MPP7: variants seen among roughly 807,000 people sequenced by gnomAD.
The protein encoded by MPP7 is MAGUK p55 subfamily member 7.
MPP7 carries 60 observed loss-of-function variants against 76.5 expected under a neutral mutation model. The observed-to-expected ratio is 0.78, with a 90% CI of 0.64 to 0.97. The LOEUF (loss-of-function observed/expected upper bound fraction) is 0.97, where lower values mean the gene tolerates loss of function less well. MPP7 is among the 50% of genes least tolerant of loss of function. MPP7 has a pLI of 0.00. For synonymous variants in MPP7, 237 were observed against 244.5 expected, an observed-to-expected ratio of 0.97 and a Z score of 0.29; for missense variants, 641 against 694.0, an observed-to-expected ratio of 0.92 and a Z score of 0.86.
chr10:28,236,750 C>G (rs1347201366), intron 2 of MPP7: 3 of 152,074 alleles, frequency 2.0e-5, no homozygotes, highest in Non-Finnish European at 4.4e-5. Flanking sequence ...GTGCCTTGCT[C>G]CTGTGGCACA....
chr10:28,118,595 T>G, intron 11 of MPP7: 1 of 985,436 alleles, frequency 1.0e-6, no homozygotes, highest in Non-Finnish European at 1.2e-6. Flanking sequence ...CAGTGCAATA[T>G]TCTCACGAAA....
Position 28,124,062 on chromosome 10 carries a change from T to A in MPP7, c.584A>T (p.Asp195Val). 1 of 1,612,214 alleles carries A rather than the reference T, an allele frequency of 6.2e-7. No homozygotes were observed. Among genetic ancestry groups the A allele is most frequent in the South Asian group, 1.1e-5 (1 of 91,038 alleles). Residue 195 changes from aspartate (D) to valine (V), a missense_variant, in exon 8 of 17, where the codon GAT becomes GTT. Asp to Val is a radical substitution (Grantham distance 152, BLOSUM62 -3). Coordinates refer to ENST00000683449, the MANE Select transcript of MPP7 (RefSeq NM_001318170.2). ...LREVNGIPVE[D>V]KRPEEIIQIL... ...CTGTATTATTTCCTCAGGCCTTTTA[T>A]CCTCCACTGGTATCCCGTTGACTTC... is the stretch of plus-strand genomic sequence containing the variant.
intron 3 of MPP7, 62 bp from the exon 4 acceptor site, chr10:28,150,121 AT>A: frequency 8.8e-7 from 1 of 1,137,978 alleles, no homozygotes; most frequent in East Asian, 2.4e-5. Flanking sequence ...ATAGCTGCAC[AT>A]TTTTATACTT....
At chr10:28,257,685 T>C (rs1271882903) in intron 1 of MPP7, among the ~76,000 whole-genome samples, 2 of 150,238 alleles carry the variant, frequency 1.3e-5, no homozygotes, top group Admixed American at 1.3e-4. Context: ...GCATGGCACA[T>C]GTATACACAT....
intron 5 of MPP7, among the ~76,000 whole-genome samples, chr10:28,134,222 ATAGCGGTATCTCC>A (rs1835285689): frequency 1.3e-5 from 2 of 152,154 alleles, no homozygotes; most frequent in Non-Finnish European, 2.9e-5. Flanking sequence ...TTCCAAGTGT[ATAGCGGTATCTCC>A]TGTGGTTGAA....
chr10:28,323,142 C>T (rs924639967), intron 2 of MPP7, among the ~76,000 whole-genome samples: 32 of 151,948 alleles, frequency 2.1e-4, no homozygotes, highest in African/African-American at 7.7e-4. Context: ...AACAATTAGC[C>T]GGGCGTGGTG....
Position 28,180,418 on chromosome 10 carries a change from A to C in MPP7, c.156+21735T>G, listed in dbSNP as rs7911943. On this transcript the variant is annotated intron_variant, in intron 3 of 16. Transcript: ENST00000683449. ...GTCTATCAAAGAAGAAAATGTAAAA[A>C]TTACCAAGTTTTGACAAGAAAATGA... Among the ~76,000 whole-genome samples, 635 of 152,300 alleles carry C rather than the reference A, an allele frequency of 4.2e-3. 4 individuals are homozygous for C. The highest frequency in any genetic ancestry group is 0.014 in the African/African-American group (595 of 41,550).
chr10:28,124,468 T>TA (rs1420570562), intron 7 of MPP7, among the ~76,000 whole-genome samples: 34 of 116,532 alleles, frequency 2.9e-4, no homozygotes, highest in African/African-American at 1.2e-3. Context: ...GAAACAAGAT[T>TA]TTTTTTTTTT....
At chr10:28,157,703 C>A (rs1299567443) in intron 3 of MPP7, among the ~76,000 whole-genome samples, 1 of 152,180 alleles carries the variant, frequency 6.6e-6, no homozygotes. Flanking sequence ...GACCCTCAAG[C>A]ACCCAGAGTC....
intron 12 of MPP7, among the ~76,000 whole-genome samples, chr10:28,089,054 TTGTAGAGATGGGGCTTCAA>T (rs1401116278): frequency 8.5e-5 from 13 of 152,048 alleles, no homozygotes; most frequent in African/African-American, 2.2e-4. Flanking sequence ...TTTTGTATTT[TTGTAGAGATGGGGCTTCAA>T]TGTAGAGATG....
intron 1 of MPP7, among the ~76,000 whole-genome samples, chr10:28,299,866 G>A (rs1447276945): frequency 6.6e-6 from 1 of 150,742 alleles, no homozygotes; most frequent in African/African-American, 2.5e-5. Context: ...CTTGGGTTCA[G>A]GCCAATTCTC....
At chr10:28,301,267 C>A (rs964270577) in intron 1 of MPP7, among the ~76,000 whole-genome samples, 2 of 152,108 alleles carry the variant, frequency 1.3e-5, no homozygotes, top group Non-Finnish European at 2.9e-5. Flanking sequence ...TCAATTATTT[C>A]TATTCAATTC....
In MPP7 at chr10:28,108,165, G is replaced by C. The variant is rs137905108; in HGVS notation, c.952+11486C>G. Among the ~76,000 whole-genome samples the C allele has an allele frequency of 1.7e-4, 26 of 152,236 alleles. 1 individual carries two copies. In the East Asian group the frequency reaches 5.0e-3, roughly 29 times the overall value. On this transcript the variant is annotated intron_variant, in intron 11 of 16. Transcript: ENST00000683449. ...CCATTTACCATCTTTGAGTCCTCGG[G>C]TAAATACTGTAAACTTTCTAGACCT...
intron 1 of MPP7, among the ~76,000 whole-genome samples, chr10:28,277,188 AAATC>A (rs758184553): frequency 1.3e-5 from 2 of 151,814 alleles, no homozygotes; most frequent in Non-Finnish European, 2.9e-5. Flanking sequence ...TCCTGTCTCC[AAATC>A]AATCAATCAA....
At chr10:28,260,054 C>T (rs1839900625) in intron 1 of MPP7, among the ~76,000 whole-genome samples, 1 of 152,074 alleles carries the variant, frequency 6.6e-6, no homozygotes, top group Non-Finnish European at 1.5e-5. Context: ...CAGAAATAAC[C>T]CTGCATGTCC....
At position 28,278,705 on chromosome 10, in the gene MPP7, A is replaced by G. The variant is rs976499762; in HGVS notation, c.-132+24156T>C. Among the ~76,000 whole-genome samples the G allele has an allele frequency of 1.1e-4, 16 of 152,182 alleles. 2 individuals are homozygous for G. In the South Asian group the frequency reaches 3.3e-3, roughly 32 times the overall value. ...GTAAAAGTAAATTTAGAAAAAGATAAAAGGATATATACAAATTCATATTAA... is the reference window on the plus strand; with the variant it reads ...GTAAAAGTAAATTTAGAAAAAGATAGAAGGATATATACAAATTCATATTAA... On this transcript the variant is annotated intron_variant, in intron 1 of 16. Transcript: ENST00000683449.
intron 12 of MPP7, among the ~76,000 whole-genome samples, chr10:28,076,095 G>A (rs533189387): frequency 3.3e-5 from 5 of 152,282 alleles, no homozygotes; most frequent in South Asian, 2.1e-4. Context: ...GAAGTTGCTG[G>A]AATTCACATC....
intron 5 of MPP7, among the ~76,000 whole-genome samples, chr10:28,145,917 C>T (rs1483277251): frequency 6.6e-6 from 1 of 152,174 alleles, no homozygotes; most frequent in Non-Finnish European, 1.5e-5. Context: ...AATACCAGTT[C>T]TCATCCAGTA....
chr10:28,303,982 A>C (rs1412615851), upstream of MPP7, among the ~76,000 whole-genome samples: 3 of 152,138 alleles, frequency 2.0e-5, no homozygotes. Context: ...ACAATCAATA[A>C]AGCTTTAGAA....
Sources: gnomAD v4.1 joint callset for allele counts (sites outside exome capture counted in the v4.1 genomes callset) on GRCh38, gnomAD v4.1.1 for gene constraint, MANE v1.5 for transcripts, NCBI Gene and HGNC (gene_info 2026-07-23, HGNC 2026-07-21) for gene names.